Variants in LAMA2 observed in about 807,000 individuals in gnomAD.
LAMA2 encodes laminin subunit alpha 2.
A neutral mutation model predicts 364.8 loss-of-function variants in LAMA2; 269 were observed. The observed-to-expected ratio is 0.74, with a 90% CI of 0.67 to 0.82. LAMA2 has a LOEUF of 0.82. LAMA2 is among the 40% of genes least tolerant of loss of function. LAMA2 has a pLI of 0.00. For missense variants in LAMA2, 3,807 were observed against 3,873.2 expected (o/e 0.98, Z 0.45); for synonymous variants, 1,379 against 1,370.6 (o/e 1.01, Z -0.14).
Position 129,205,617 on chromosome 6 carries a change from CT to C in LAMA2, c.1782+12765del, listed in dbSNP as rs1782588911. On this transcript the variant is annotated intron_variant, in intron 12 of 64. Coordinates refer to ENST00000421865, the MANE Select transcript of LAMA2 (RefSeq NM_000426.4). ...CACAAAGCTGCCAATCACTGAGAGA[CT>C]GATTAAATGAGTTTTGGTACACTCG... Among the ~76,000 whole-genome samples, 4 of 151,386 alleles carry C rather than the reference CT, an allele frequency of 2.6e-5. No individual in the cohort carries two copies. In the South Asian group the frequency reaches 6.2e-4, roughly 24 times the overall value.
intron 4 of LAMA2, among the ~76,000 whole-genome samples, chr6:129,109,362 G>T (rs929593412): frequency 6.6e-6 from 1 of 152,028 alleles, no homozygotes; most frequent in African/African-American, 2.4e-5. Flanking sequence ...CGACTTTAAT[G>T]GTCCACAAGA....
chr6:129,148,806 A>G (rs529848608), intron 6 of LAMA2, among the ~76,000 whole-genome samples, 173 bp from the exon 7 acceptor site: 2 of 152,194 alleles, frequency 1.3e-5, no homozygotes, highest in African/African-American at 4.8e-5. Context: ...GGTGATGTTG[A>G]TCAAATATAC....
At chr6:128,963,166 G>C (rs536330823) in intron 1 of LAMA2, among the ~76,000 whole-genome samples, 3 of 152,146 alleles carry the variant, frequency 2.0e-5, no homozygotes, top group African/African-American at 7.2e-5. Flanking sequence ...ATCATAACTA[G>C]ATAATCGTTA....
intron 1 of LAMA2, among the ~76,000 whole-genome samples, chr6:128,979,595 T>C (rs1192830430): frequency 1.3e-5 from 2 of 152,226 alleles, no homozygotes. Flanking sequence ...ACTTGGTAGA[T>C]GAACTTGTTC....
intron 10 of LAMA2, among the ~76,000 whole-genome samples, chr6:129,184,805 A>G (rs1014884315): frequency 6.6e-6 from 1 of 151,770 alleles, no homozygotes; most frequent in African/African-American, 2.4e-5. Flanking sequence ...GCCTATTTTC[A>G]TCGTTTTAAC....
chr6:129,017,459 G>A (rs1455485798), intron 1 of LAMA2, among the ~76,000 whole-genome samples: 1 of 144,738 alleles, frequency 6.9e-6, no homozygotes, highest in African/African-American at 2.5e-5. Flanking sequence ...TTGAAAAAGT[G>A]TATTATGGAA....
At chr6:129,190,416 T>C (rs879634836) in intron 11 of LAMA2, 71 bp downstream of exon 11, 4 of 1,469,450 alleles carry the variant, frequency 2.7e-6, no homozygotes, top group Non-Finnish European at 3.8e-6. Flanking sequence ...GTTGTTCTTT[T>C]GTATGAACAG....
intron 55 of LAMA2, among the ~76,000 whole-genome samples, chr6:129,484,627 A>G (rs940307227): frequency 6.6e-5 from 10 of 152,204 alleles, no homozygotes; most frequent in African/African-American, 2.4e-4. Flanking sequence ...ATAACAACAT[A>G]ATAAATAGAA....
At chr6:129,172,786 C>T (rs903046560) in intron 9 of LAMA2, among the ~76,000 whole-genome samples, 2 of 152,228 alleles carry the variant, frequency 1.3e-5, no homozygotes, top group African/African-American at 4.8e-5. Context: ...TGCTGCCTTG[C>T]AGTTTGATCT....
chr6:128,991,178 G>T lies in LAMA2; in HGVS notation c.113-58740G>T, dbSNP rs73773618. On this transcript the variant is annotated intron_variant, in intron 1 of 64. Transcript: ENST00000421865. ...TTGTGATTTTTACTAATTTTTTTCCGTGAGAATAGAATCCTGCTGGGAAGC... is the reference window on the plus strand; with the variant it reads ...TTGTGATTTTTACTAATTTTTTTCCTTGAGAATAGAATCCTGCTGGGAAGC... Among the ~76,000 whole-genome samples, 647 of 152,020 alleles carry T rather than the reference G, an allele frequency of 4.3e-3. 4 individuals are homozygous for T. The highest frequency in any genetic ancestry group is 0.015 in the African/African-American group (622 of 41,482).
intron 12 of LAMA2, among the ~76,000 whole-genome samples, chr6:129,210,084 G>A (rs1562335410): frequency 1.3e-5 from 2 of 150,608 alleles, no homozygotes; most frequent in Admixed American, 1.3e-4. Context: ...GGAAATCTAC[G>A]TTTTTAATCA....
intron 37 of LAMA2, among the ~76,000 whole-genome samples, chr6:129,394,503 T>C (rs187124948): frequency 4.1e-4 from 62 of 152,336 alleles, no homozygotes; most frequent in African/African-American, 1.4e-3. Flanking sequence ...TTGAAGAGGC[T>C]TACTTTTTTT....
chr6:129,302,663 G>A (rs1481881881), intron 22 of LAMA2, among the ~76,000 whole-genome samples: 2 of 151,952 alleles, frequency 1.3e-5, no homozygotes, highest in South Asian at 2.1e-4. Flanking sequence ...TCAGGTAATG[G>A]TCAGAGCTCA....
chr6:129,186,724 C>T (rs1289082876), intron 10 of LAMA2, among the ~76,000 whole-genome samples: 1 of 151,554 alleles, frequency 6.6e-6, no homozygotes, highest in Non-Finnish European at 1.5e-5. Context: ...GTTGTCTGTA[C>T]CCCTCTTACA....
At chr6:129,417,153 C>T (rs1026135224) in intron 40 of LAMA2, among the ~76,000 whole-genome samples, 4 of 152,124 alleles carry the variant, frequency 2.6e-5, no homozygotes, top group African/African-American at 9.7e-5. Context: ...GTAGCTCTCT[C>T]ATTTCCACCA....
intron 28 of LAMA2, among the ~76,000 whole-genome samples, chr6:129,322,373 A>T (rs974987331): frequency 3.3e-5 from 5 of 152,224 alleles, no homozygotes; most frequent in Middle Eastern, 3.2e-3. Flanking sequence ...TGTGGCACAT[A>T]TGAAATGAGT....
chr6:129,133,432 T>C (rs771142089), intron 4 of LAMA2, among the ~76,000 whole-genome samples: 2 of 152,034 alleles, frequency 1.3e-5, no homozygotes, highest in African/African-American at 2.4e-5. Context: ...AAATTAGTCA[T>C]GTGAAAGCAA....
At chr6:129,174,597 G>A (rs1054545429) in intron 9 of LAMA2, among the ~76,000 whole-genome samples, 1 of 151,976 alleles carries the variant, frequency 6.6e-6, no homozygotes, top group Non-Finnish European at 1.5e-5. Context: ...ATGTGATAAT[G>A]ACCTACCTTA....
intron 4 of LAMA2, among the ~76,000 whole-genome samples, chr6:129,113,114 T>C (rs1055583222): frequency 1.3e-5 from 2 of 152,094 alleles, no homozygotes; most frequent in Admixed American, 6.6e-5. Flanking sequence ...TTTGGAGTTT[T>C]AGCTTTAGCT....
Sources: allele counts gnomAD v4.1 joint callset (sites outside exome capture counted in the v4.1 genomes callset), GRCh38; gene constraint gnomAD v4.1.1; transcripts MANE v1.5; gene names NCBI Gene and HGNC (gene_info 2026-07-23, HGNC 2026-07-21).